The following TANC2 variants were observed in gnomAD, a reference collection of about 807,000 sequenced individuals.
TANC2 encodes protein TANC2.
In TANC2, 26 loss-of-function variants were observed where a neutral mutation model predicts 210.5. The ratio of observed to expected loss-of-function variants is 0.12; its 90% CI spans 0.09 to 0.17. The LOEUF is 0.17. Among genes scored for constraint, TANC2 ranks in the 10% least tolerant of loss-of-function variants. The probability of loss-of-function intolerance (pLI) is 1.00; values close to 1 mark genes in which losing one functional copy is unlikely to be tolerated. For synonymous variants in TANC2, 931 were observed against 967.1 expected (o/e 0.96, Z 0.69); for missense variants, 2,129 against 2,608.9 (o/e 0.82, Z 4.01).
chr17:63,099,210 C>T, exon 4 of TANC2: 1 of 1,604,990 alleles, frequency 6.2e-7, no homozygotes, highest in Non-Finnish European at 8.5e-7. Flanking sequence ...TGCTTTTGAG[C>T]CAGACTACGC....
exon 28 of TANC2, chr17:63,422,577 A>G (rs1165111390): frequency 6.6e-6 from 1 of 152,306 alleles, no homozygotes; most frequent in Non-Finnish European, 1.5e-5. Flanking sequence ...AAACCCCAAT[A>G]TAATTATGTA....
chr17:63,262,794 G>T (rs946580995), intron 8 of TANC2, among the ~76,000 whole-genome samples: 4 of 152,114 alleles, frequency 2.6e-5, no homozygotes, highest in Admixed American at 2.6e-4. Context: ...AAAAAAGAAA[G>T]AAAGAATTCA....
At chr17:63,058,753 G>C (rs998950727) in intron 2 of TANC2, among the ~76,000 whole-genome samples, 2 of 151,872 alleles carry the variant, frequency 1.3e-5, no homozygotes, top group African/African-American at 4.8e-5. Flanking sequence ...CTTATTTCTG[G>C]GTTCTCTATT....
chr17:63,017,571 A>C (rs2034162041), intron 2 of TANC2, among the ~76,000 whole-genome samples: 2 of 152,150 alleles, frequency 1.3e-5, no homozygotes, highest in South Asian at 4.1e-4. Context: ...GTTCCCCTTA[A>C]GCCCAAACAA....
At chr17:63,408,180 A>C (rs920244950) in intron 21 of TANC2, among the ~76,000 whole-genome samples, 2 of 152,252 alleles carry the variant, frequency 1.3e-5, no homozygotes, top group Admixed American at 1.3e-4. Context: ...CAAGGGCAGT[A>C]GCTTTCAGCA....
At chr17:63,351,511 A>G (rs1418626248) in intron 13 of TANC2, 95 bp downstream of exon 13, 3 of 999,608 alleles carry the variant, frequency 3.0e-6, no homozygotes, top group Non-Finnish European at 4.2e-6. Context: ...AACTTCTACT[A>G]TGTCCTAGAG....
chr17:63,163,757 G>A (rs1309467543), intron 5 of TANC2, among the ~76,000 whole-genome samples: 1 of 152,184 alleles, frequency 6.6e-6, no homozygotes, highest in East Asian at 1.9e-4. Context: ...GTAGTTTAGC[G>A]TAGCTCATTT....
In TANC2 at chr17:62,995,795, A is replaced by C. The variant is rs558724440; in HGVS notation, c.-23-13742A>C. ...GCAGTTCAAAATTTTGCTTTTAGGGAAATTATCAAAGATTATCAGCTGGGC... is the reference window on the plus strand; with the variant it reads ...GCAGTTCAAAATTTTGCTTTTAGGGCAATTATCAAAGATTATCAGCTGGGC... On this transcript the variant is annotated intron_variant, in intron 1 of 27. Coordinates refer to ENST00000689528, the Ensembl canonical transcript of TANC2. 3.9e-5 allele frequency among the ~76,000 whole-genome samples: 6 copies of C among 152,298 alleles called. No homozygotes were observed. The South Asian group carries it at 1.2e-3, about 32-fold the overall frequency.
At chr17:63,232,538 C>G (rs1366626322) in intron 7 of TANC2, among the ~76,000 whole-genome samples, 1 of 152,220 alleles carries the variant, frequency 6.6e-6, no homozygotes, top group Non-Finnish European at 1.5e-5. Context: ...TGCTGGGGGT[C>G]CATCCCATCC....
chr17:63,142,202 G>A lies in TANC2; in HGVS notation c.323-9068G>A, dbSNP rs1431874601. Among the ~76,000 whole-genome samples the A allele has an allele frequency of 2.6e-5, 4 of 152,120 alleles. 1 individual carries two copies. The South Asian group carries it at 8.3e-4, about 31-fold the overall frequency. On this transcript the variant is annotated intron_variant, in intron 4 of 27. Transcript: ENST00000689528. ...TTATTTCTTCTTAAGGCAGTTGTTA[G>A]GATTCACCAGTGGTGACAACTGAGA...
intron 5 of TANC2, among the ~76,000 whole-genome samples, chr17:63,177,974 T>C (rs2040647206): frequency 6.6e-6 from 1 of 152,214 alleles, no homozygotes; most frequent in African/African-American, 2.4e-5. Context: ...CTCTTGTTTC[T>C]TATATTTCTT....
At chr17:63,169,506 A>C (rs939540534) in intron 5 of TANC2, among the ~76,000 whole-genome samples, 1 of 152,140 alleles carries the variant, frequency 6.6e-6, no homozygotes, top group African/African-American at 2.4e-5. Context: ...ATTCATCACC[A>C]TCATGTCAGT....
rs562938031 is a variant in TANC2 at position 63,391,722 on chromosome 17, A to T, written c.3051+2178A>T. 5 of 149,368 alleles carry T rather than the reference A, an allele frequency of 3.3e-5. No individual in the cohort carries two copies. In the East Asian group the frequency reaches 9.7e-4, roughly 29 times the overall value. 9.3% of individuals were successfully genotyped at this position (149,368 alleles called of 1,614,324 possible). ...CCCCTCCATAGTATTAGCAATAATA[A>T]ACCTTTTTTTTTTTTTTTTTTTAAA... On this transcript the variant is annotated intron_variant, in intron 17 of 27. Coordinates refer to ENST00000689528, the Ensembl canonical transcript of TANC2.
intron 2 of TANC2, among the ~76,000 whole-genome samples, chr17:63,073,726 A>C (rs1568363127): frequency 6.6e-6 from 1 of 152,172 alleles, no homozygotes; most frequent in Non-Finnish European, 1.5e-5. Flanking sequence ...AAACACCTAC[A>C]CTTTCTTAAG....
chr17:63,209,316 C>CT (rs985091913), intron 7 of TANC2, among the ~76,000 whole-genome samples: 37 of 146,208 alleles, frequency 2.5e-4, no homozygotes, highest in Admixed American at 4.8e-4. Context: ...CCCGGCCACA[C>CT]TTTTTTTTTT....
intron 5 of TANC2, among the ~76,000 whole-genome samples, chr17:63,177,775 C>G (rs2040640088): frequency 6.6e-6 from 1 of 152,078 alleles, no homozygotes; most frequent in South Asian, 2.1e-4. Flanking sequence ...GGTGTATCAC[C>G]AGAGCACAAG....
intron 4 of TANC2, among the ~76,000 whole-genome samples, chr17:63,132,053 C>T (rs1310981470): frequency 6.6e-6 from 1 of 152,178 alleles, no homozygotes; most frequent in African/African-American, 2.4e-5. Context: ...TTGTTTTCCT[C>T]CTTAACATTT....
intron 5 of TANC2, among the ~76,000 whole-genome samples, chr17:63,160,661 T>C (rs1173791872): frequency 6.6e-6 from 1 of 152,218 alleles, no homozygotes; most frequent in Admixed American, 6.5e-5. Context: ...TTCCTTAGAA[T>C]GAATTCCTTG....
At chr17:63,417,372 G>A (rs1426627346) in intron 26 of TANC2, among the ~76,000 whole-genome samples, 2 of 152,092 alleles carry the variant, frequency 1.3e-5, no homozygotes, top group African/African-American at 4.8e-5. Context: ...TTTTAGCTTA[G>A]TATTTAAGGG....
Sources: gnomAD v4.1 joint callset for allele counts (sites outside exome capture counted in the v4.1 genomes callset) on GRCh38, gnomAD v4.1.1 for gene constraint, MANE v1.5 for transcripts, NCBI Gene and HGNC (gene_info 2026-07-23, HGNC 2026-07-21) for gene names.